CLCNKB: variants seen among roughly 807,000 people sequenced by gnomAD.
CLCNKB encodes the protein chloride voltage-gated channel Kb, also known as chloride channel protein ClC-Kb.
Under a neutral mutation model 83.8 loss-of-function variants are expected in CLCNKB, and 74 were observed. That is an observed-to-expected ratio of 0.88 (90% CI 0.73 to 1.07). The LOEUF is 1.07. Ranked by LOEUF, CLCNKB falls within the 50% of genes least tolerant of loss-of-function variation. CLCNKB has a pLI of 0.00. For missense variants in CLCNKB, 798 were observed against 893.6 expected, an observed-to-expected ratio of 0.89 and a Z score of 1.36; for synonymous variants, 358 against 356.6, an observed-to-expected ratio of 1.00 and a Z score of -0.04.
chr1:16,046,963 C>T (rs898989312), intron 4 of CLCNKB, among the ~76,000 whole-genome samples: 23 of 152,302 alleles, frequency 1.5e-4, no homozygotes, highest in East Asian at 3.9e-4. Flanking sequence ...TCCCCCAGGC[C>T]GCTCAGCCCT....
intron 16 of CLCNKB, 60 bp from the exon 17 acceptor site, chr1:16,055,375 A>T (rs979647717): frequency 2.2e-5 from 30 of 1,363,446 alleles, no homozygotes; most frequent in Non-Finnish European, 2.8e-5. Flanking sequence ...GGTGCTAAGT[A>T]AATGTGAGTC....
intron 4 of CLCNKB, among the ~76,000 whole-genome samples, chr1:16,047,623 G>A (rs570431061): frequency 5.1e-4 from 77 of 152,176 alleles, no homozygotes; most frequent in Admixed American, 1.1e-3. Flanking sequence ...AGAAAAATAA[G>A]GTGGGCGAAG....
At position 16,050,910 on chromosome 1, in the gene CLCNKB, C is replaced by G; in HGVS notation, c.1089C>G (p.Asp363Glu). 6.2e-7 allele frequency: 1 copy of G among 1,612,718 alleles called. No homozygotes were observed. The highest frequency in any genetic ancestry group is 8.5e-7 in the Non-Finnish European group (1 of 1,179,922). The change falls in exon 12 of 20, where the codon GAC becomes GAG. Residue 363 changes from aspartate (D) to glutamate (E), a missense_variant. Physicochemically the swap from Asp to Glu is conservative, Grantham distance 45. Coordinates refer to ENST00000375679, the MANE Select transcript of CLCNKB (RefSeq NM_000085.5). The part of the protein sequence containing the change: ...SMKQHLDSLF[D>E]NHSWALMTQN... ...AGCAGCATCTGGACTCGCTGTTCGA[C>G]AACCACTCCTGGGCGCTGATGACCC...
rs757392361 is a variant in CLCNKB, at chr1:16,049,598, C to G, written c.782-20C>G. On this transcript the variant is annotated intron_variant, in intron 8 of 19. Coordinates refer to ENST00000375679, the MANE Select transcript of CLCNKB (RefSeq NM_000085.5). Reference sequence around the variant, plus strand: ...CGGGTGGGAGCGCCATCTTGGCTCCCCACTGCCCTCCTTCCCCAGAGACCA... The same window carrying G: ...CGGGTGGGAGCGCCATCTTGGCTCCGCACTGCCCTCCTTCCCCAGAGACCA... 24 of 1,576,080 alleles carry G rather than the reference C, an allele frequency of 1.5e-5. No homozygotes were observed. The highest frequency in any genetic ancestry group is 2.0e-5 in the Non-Finnish European group (23 of 1,154,230).
At chr1:16,048,773 T>C in intron 7 of CLCNKB, 191 bp downstream of exon 7, 19 of 1,464,772 alleles carry the variant, frequency 1.3e-5, no homozygotes, top group South Asian at 5.8e-5. Context: ...TTGGCGGTGC[T>C]AAGAGGCTTC....
At chr1:16,054,210 C>A (rs1423816584) in intron 16 of CLCNKB, among the ~76,000 whole-genome samples, 1 of 152,188 alleles carries the variant, frequency 6.6e-6, no homozygotes. Flanking sequence ...CTTGCAGAAA[C>A]CTTAACTAGA....
intron 7 of CLCNKB, 99 bp downstream of exon 7, chr1:16,048,681 G>A: frequency 6.4e-7 from 1 of 1,568,244 alleles, no homozygotes; most frequent in East Asian, 2.3e-5. Flanking sequence ...GAGGGGGTGG[G>A]GCTCATTCTA....
At chr1:16,050,832 G>C in intron 11 of CLCNKB, 43 bp from the exon 12 acceptor site, 2 of 1,610,140 alleles carry the variant, frequency 1.2e-6, no homozygotes, top group Non-Finnish European at 1.7e-6. Flanking sequence ...GGGGTCTGCC[G>C]CTGGGGGCCC....
intron 14 of CLCNKB, 79 bp from the exon 15 acceptor site, chr1:16,052,119 G>C (rs900652244): frequency 2.2e-5 from 34 of 1,564,412 alleles, no homozygotes; most frequent in Non-Finnish European, 3.0e-5. Flanking sequence ...CTTAGCCCCT[G>C]GTCGCAGCCG....
intron 15 of CLCNKB, 44 bp downstream of exon 15, chr1:16,052,455 T>A (rs1360894197): frequency 6.2e-7 from 1 of 1,607,448 alleles, no homozygotes; most frequent in Non-Finnish European, 8.5e-7. Context: ...GGTCACAGTG[T>A]TTGGGAAGGG....
At chr1:16,054,010 G>A (rs1160177467) in intron 16 of CLCNKB, among the ~76,000 whole-genome samples, 1 of 152,110 alleles carries the variant, frequency 6.6e-6, no homozygotes, top group Non-Finnish European at 1.5e-5. Flanking sequence ...TGCTTGTAAG[G>A]CAGTCCCTGG....
rs200239825 is a variant in CLCNKB at position 16,051,718 on chromosome 1, A to G, written c.1306A>G (p.Ile436Val). 1.2e-6 allele frequency: 2 copies of G among 1,613,746 alleles called. No individual in the cohort carries two copies. The highest frequency in any genetic ancestry group is 4.5e-5 in the East Asian group (2 of 44,864). Residue 436 changes from isoleucine (I) to valine (V), a missense_variant, in exon 14 of 20, where the codon ATC becomes GTC. By Grantham distance (29) the Ile-to-Val change is conservative (BLOSUM62 3). Transcript: ENST00000375679. The part of the protein sequence containing the change: ...FMPIFVYGAA[I>V]GRLFGETLSF... Reference sequence around the variant, plus strand: ...CCTAAGTCTGTGGCCAGGAGCTGCTATCGGGCGCCTCTTTGGGGAGACTCT... The same window carrying G: ...CCTAAGTCTGTGGCCAGGAGCTGCTGTCGGGCGCCTCTTTGGGGAGACTCT...
At position 16,051,405 on chromosome 1, in the gene CLCNKB, A is replaced by G. The variant is rs148467822; in HGVS notation, c.1228-73A>G. 11,491 of 1,544,768 alleles carry G rather than the reference A, an allele frequency of 7.4e-3. 54 individuals are homozygous for G. Among genetic ancestry groups the G allele is most frequent in the Non-Finnish European group, 9.3e-3 (10,340 of 1,117,006 alleles). On this transcript the variant is annotated intron_variant, in intron 12 of 19. Coordinates refer to ENST00000375679, the MANE Select transcript of CLCNKB (RefSeq NM_000085.5). ...TCTCTCTAGGACACTCCCCTGTCCC[A>G]TGTCCTGTCCTCCCTTGTCCACGCC...
rs5260 is a variant in CLCNKB, at chr1:16,049,226, G to C, written c.762G>C (p.Ala254=). ...GGGCCTTCATGTTCCGGCTCCTGGC[G>C]GTCTTCAACAGCGAGCAGGGTGAGC... ...TCGAFMFRLL[A]VFNSEQETIT... Residue 254 remains alanine (A), a synonymous_variant, in exon 8 of 20, where the codon GCG becomes GCC. Coordinates refer to ENST00000375679, the MANE Select transcript of CLCNKB (RefSeq NM_000085.5). 2.2e-5 allele frequency: 35 copies of C among 1,613,654 alleles called. 1 individual carries two copies. The highest frequency in any genetic ancestry group is 3.3e-5 in the Admixed American group (2 of 60,006).
At chr1:16,045,713 C>G (rs776933851) in intron 3 of CLCNKB, 27 bp downstream of exon 3, 11 of 1,530,792 alleles carry the variant, frequency 7.2e-6, no homozygotes, top group Non-Finnish European at 9.8e-6. Context: ...AGGTGCTGCT[C>G]TGGGCCAAGG....
chr1:16,046,722 G>T, intron 4 of CLCNKB, 59 bp downstream of exon 4: 1 of 1,605,086 alleles, frequency 6.2e-7, no homozygotes. Flanking sequence ...GATCCCAGGG[G>T]GGAGTCGGGA....
At position 16,044,490 on chromosome 1, in the gene CLCNKB, C is replaced by T. The variant is rs997950438; in HGVS notation, c.-3C>T. Reference sequence around the variant, plus strand: ...TCCCTCTATCCGCTTCTCCAGGGGCCTGATGGAGGAGTTTGTGGGGCTGCG... The same window carrying T: ...TCCCTCTATCCGCTTCTCCAGGGGCTTGATGGAGGAGTTTGTGGGGCTGCG... On this transcript the variant is annotated 5_prime_UTR_variant, in exon 2 of 20. Coordinates refer to ENST00000375679, the MANE Select transcript of CLCNKB (RefSeq NM_000085.5). The T allele has an allele frequency of 1.3e-6, 2 of 1,599,368 alleles. No homozygotes were observed. The highest frequency in any genetic ancestry group is 2.7e-5 in the African/African-American group (2 of 74,824).
intron 6 of CLCNKB, 39 bp downstream of exon 6, chr1:16,048,459 G>A (rs745501222): frequency 1.2e-6 from 2 of 1,613,438 alleles, no homozygotes; most frequent in South Asian, 2.2e-5. Flanking sequence ...AATGGGAGTG[G>A]GGAGGGAGGG....
intron 2 of CLCNKB, among the ~76,000 whole-genome samples, chr1:16,044,853 C>A (rs933822646): frequency 6.6e-6 from 1 of 152,232 alleles, no homozygotes. Flanking sequence ...ATCTTCCACC[C>A]AGGCCTCTCC....
Sources: allele counts gnomAD v4.1 joint callset (sites outside exome capture counted in the v4.1 genomes callset), GRCh38; gene constraint gnomAD v4.1.1; transcripts MANE v1.5; gene names NCBI Gene and HGNC (gene_info 2026-07-23, HGNC 2026-07-21).